Variants in CHN1 observed in about 807,000 individuals in gnomAD.
The protein encoded by CHN1 is chimerin 1, also known as N-chimaerin.
In CHN1, 37 loss-of-function variants were observed where a neutral mutation model predicts 59.5. The observed-to-expected ratio is 0.62, with a 90% CI of 0.48 to 0.82. CHN1 has a LOEUF of 0.82. Among genes scored for constraint, CHN1 ranks in the 40% least tolerant of loss-of-function variants. The pLI is 0.00. For missense variants in CHN1, 469 were observed against 571.0 expected, an observed-to-expected ratio of 0.82 and a Z score of 1.82; for synonymous variants, 206 against 200.4, an observed-to-expected ratio of 1.03 and a Z score of -0.24.
At chr2:174,918,764 T>C (rs2105374009) in intron 3 of CHN1, among the ~76,000 whole-genome samples, 199 bp from the exon 4 acceptor site, 1 of 152,344 alleles carries the variant, frequency 6.6e-6, no homozygotes, top group East Asian at 1.9e-4. Flanking sequence ...CTATTTCTTA[T>C]TTATAAAATG....
chr2:174,940,964 T>G (rs1234878296), intron 3 of CHN1, among the ~76,000 whole-genome samples: 2 of 152,216 alleles, frequency 1.3e-5, no homozygotes, highest in Non-Finnish European at 2.9e-5. Context: ...TAAGTGTCAT[T>G]TCTTCTGTAA....
chr2:174,979,774 G>A (rs1312707134), intron 1 of CHN1, among the ~76,000 whole-genome samples: 5 of 152,070 alleles, frequency 3.3e-5, no homozygotes, highest in Admixed American at 6.6e-5. Flanking sequence ...CCAGCTACTC[G>A]GGAAGCTGAG....
At chr2:174,871,053 G>A (rs1198225418) in intron 6 of CHN1, among the ~76,000 whole-genome samples, 1 of 151,962 alleles carries the variant, frequency 6.6e-6, no homozygotes, top group Admixed American at 6.6e-5. Flanking sequence ...AAGGATGGAT[G>A]AGATTCACAC....
Position 174,799,858 on chromosome 2 carries a change from T to G in CHN1, c.*258A>C. The G allele has an allele frequency of 1.7e-6, 1 of 589,816 alleles. No individual in the cohort carries two copies. Among genetic ancestry groups the G allele is most frequent in the Non-Finnish European group, 3.2e-6 (1 of 314,140 alleles). 36.5% of individuals were successfully genotyped at this position (589,816 alleles called of 1,614,324 possible). ...TTCTGTATGGGGTTTCCTTGCCAGA[T>G]AGGGGGCTAATCATGCAATAGCTTG... On this transcript the variant is annotated 3_prime_UTR_variant, in exon 13 of 13. Coordinates refer to ENST00000409900, the MANE Select transcript of CHN1 (RefSeq NM_001822.7).
intron 5 of CHN1, among the ~76,000 whole-genome samples, chr2:174,910,317 AGCCCACT>A (rs1168492077): frequency 6.6e-6 from 1 of 152,212 alleles, no homozygotes; most frequent in Non-Finnish European, 1.5e-5. Flanking sequence ...ATTGACAGAC[AGCCCACT>A]AATAAGTCAA....
intron 1 of CHN1, 58 bp downstream of exon 1, chr2:175,004,836 C>T (rs1377605949): frequency 2.1e-5 from 26 of 1,234,260 alleles, no homozygotes; most frequent in Admixed American, 2.0e-4. Flanking sequence ...CAGGCCCCCG[C>T]CCCCGAGCCC....
At chr2:174,969,264 T>G (rs1007451349) in intron 1 of CHN1, among the ~76,000 whole-genome samples, 9 of 152,158 alleles carry the variant, frequency 5.9e-5, no homozygotes, top group Non-Finnish European at 1.3e-4. Flanking sequence ...GCCAAACTCT[T>G]TACAACTGCC....
intron 1 of CHN1, among the ~76,000 whole-genome samples, chr2:174,985,590 T>C (rs1691312628): frequency 6.6e-6 from 1 of 152,132 alleles, no homozygotes; most frequent in Non-Finnish European, 1.5e-5. Context: ...GCCTCATAAA[T>C]CATATTATTA....
At position 174,798,873 on chromosome 2, in the gene CHN1, T is replaced by G. The variant is rs1308126964; in HGVS notation, c.*1243A>C. On this transcript the variant is annotated 3_prime_UTR_variant, in exon 13 of 13. Coordinates refer to ENST00000409900, the MANE Select transcript of CHN1 (RefSeq NM_001822.7). ...GGATGGAACTTTCGTTCTAGAAAGG[T>G]GTTCATCTGATAGGCACAGAAACAG... Among the ~76,000 whole-genome samples, 1 of 152,244 alleles carries G rather than the reference T, an allele frequency of 6.6e-6. No individual in the cohort carries two copies. Among genetic ancestry groups the G allele is most frequent in the Non-Finnish European group, 1.5e-5 (1 of 68,040 alleles).
chr2:174,960,908 C>T (rs1690376056), intron 1 of CHN1, among the ~76,000 whole-genome samples: 3 of 151,830 alleles, frequency 2.0e-5, no homozygotes, highest in Admixed American at 6.6e-5. Flanking sequence ...AGGAGGATCA[C>T]TTGAGTACAG....
At chr2:174,942,182 C>T (rs2105401046) in intron 3 of CHN1, among the ~76,000 whole-genome samples, 1 of 152,252 alleles carries the variant, frequency 6.6e-6, no homozygotes, top group East Asian at 1.9e-4. Flanking sequence ...AAAAGGAAAT[C>T]AGTATGTCAA....
intron 5 of CHN1, among the ~76,000 whole-genome samples, chr2:174,912,261 G>T (rs1474219631): frequency 6.6e-6 from 1 of 152,112 alleles, no homozygotes; most frequent in Non-Finnish European, 1.5e-5. Flanking sequence ...TATTTGATAC[G>T]AAGTATAGTG....
chr2:174,811,576 T>A lies in CHN1; in HGVS notation c.899A>T (p.Glu300Val). The A allele has an allele frequency of 6.2e-7, 1 of 1,604,584 alleles. No individual in the cohort carries two copies. Among genetic ancestry groups the A allele is most frequent in the Non-Finnish European group, 8.5e-7 (1 of 1,175,542 alleles). Reference sequence around the variant, plus strand: ...AAATCCTGATACTCGGTATAGTCCTTCAGAATTAAGACCTGAAAAATAAAA... The same window carrying A: ...AAATCCTGATACTCGGTATAGTCCTACAGAATTAAGACCTGAAAAATAAAA... ...REIESRGLNS[E>V]GLYRVSGFSD... The change falls in exon 10 of 13, where the codon GAA becomes GTA. Residue 300 changes from glutamate (E) to valine (V), a missense_variant. By Grantham distance (121) the Glu-to-Val change is moderately radical (BLOSUM62 -2). Around this residue, in one of 5 missense-constraint regions of CHN1, gnomAD observed 225 missense variants for 289.9 expected, o/e 0.78. Transcript: ENST00000409900.
intron 1 of CHN1, among the ~76,000 whole-genome samples, chr2:174,976,554 G>C (rs1248293107): frequency 6.6e-6 from 1 of 152,094 alleles, no homozygotes; most frequent in African/African-American, 2.4e-5. Flanking sequence ...GGTTTTGCTT[G>C]CACTTGCCCT....
chr2:174,902,629 CAAG>C (rs1269650785), intron 5 of CHN1, among the ~76,000 whole-genome samples: 2 of 152,106 alleles, frequency 1.3e-5, no homozygotes, highest in Non-Finnish European at 2.9e-5. Flanking sequence ...AATAGCACAA[CAAG>C]AAGGTTTGCA....
chr2:174,853,926 T>C (rs949902926), intron 6 of CHN1, among the ~76,000 whole-genome samples: 1 of 152,056 alleles, frequency 6.6e-6, no homozygotes, highest in African/African-American at 2.4e-5. Context: ...GAACAATAGA[T>C]ACTGTGAGCT....
At chr2:174,864,652 C>T (rs1687162313) in intron 6 of CHN1, among the ~76,000 whole-genome samples, 2 of 152,108 alleles carry the variant, frequency 1.3e-5, no homozygotes, top group African/African-American at 4.8e-5. Context: ...GGGCAGACTG[C>T]TTGAGCCCAG....
chr2:174,953,058 AT>A (rs1690076225), intron 1 of CHN1, among the ~76,000 whole-genome samples: 1 of 151,786 alleles, frequency 6.6e-6, no homozygotes, highest in Non-Finnish European at 1.5e-5. Context: ...CTGCAGAAAC[AT>A]TTTTTGGTAT....
chr2:174,901,067 G>C (rs1015983235), intron 5 of CHN1, among the ~76,000 whole-genome samples: 1 of 152,182 alleles, frequency 6.6e-6, no homozygotes, highest in Non-Finnish European at 1.5e-5. Flanking sequence ...AAGGTAACAA[G>C]TAACTTTCTT....
Sources: gnomAD v4.1 joint callset for allele counts (sites outside exome capture counted in the v4.1 genomes callset) on GRCh38, gnomAD v4.1.1 for gene constraint, gnomAD v4.1.1 regional missense constraint, MANE v1.5 for transcripts, NCBI Gene and HGNC (gene_info 2026-07-23, HGNC 2026-07-21) for gene names.